MTM1: variants seen among roughly 807,000 people sequenced by gnomAD.
MTM1 encodes myotubularin 1.
In MTM1, 9 loss-of-function variants were observed where a neutral mutation model predicts 52.1. That is an observed-to-expected ratio of 0.17 (90% CI 0.10 to 0.30). The LOEUF is 0.30. Among genes scored for constraint, MTM1 ranks in the 10% least tolerant of loss-of-function variants. The pLI, the probability that MTM1 is intolerant of heterozygous loss-of-function variation, is 1.00. For synonymous variants in MTM1, 136 were observed against 163.8 expected (o/e 0.83, Z 1.29); for missense variants, 277 against 470.7 (o/e 0.59, Z 3.81).
intron 1 of MTM1, among the ~76,000 whole-genome samples, chrX:150,591,713 A>C (rs1270180192): frequency 1.8e-5 from 2 of 112,986 alleles, no homozygotes; most frequent in East Asian, 5.5e-4. Context: ...TCACAAAAAT[A>C]ATTTGCAACC....
intron 4 of MTM1, among the ~76,000 whole-genome samples, chrX:150,608,434 G>A (rs1383985421): frequency 5.4e-5 from 6 of 111,690 alleles, no homozygotes; most frequent in African/African-American, 2.0e-4. Flanking sequence ...GCCCAGGCTG[G>A]TCTCAAACTC....
chrX:150,656,014 C>A (rs1436666231), intron 10 of MTM1, among the ~76,000 whole-genome samples: 1 of 111,570 alleles, frequency 9.0e-6, no homozygotes, highest in Non-Finnish European at 1.9e-5. Context: ...ACTTTAAGTA[C>A]CCTACTGATT....
Position 150,587,027 on chromosome X carries a change from A to G in MTM1, c.-10-5578A>G, listed in dbSNP as rs191913075. On this transcript the variant is annotated intron_variant, in intron 1 of 14. Coordinates refer to ENST00000370396, the MANE Select transcript of MTM1 (RefSeq NM_000252.3). Reference sequence around the variant, plus strand: ...AATTTTACCTGTTCCTCATGACAGCACTGTGAGGGCTGGCGTCACACCCAT... The same window carrying G: ...AATTTTACCTGTTCCTCATGACAGCGCTGTGAGGGCTGGCGTCACACCCAT... Among the ~76,000 whole-genome samples the G allele has an allele frequency of 5.4e-5, 6 of 110,755 alleles. No individual in the cohort carries two copies. The Admixed American group carries it at 5.8e-4, about 11-fold the overall frequency.
intron 7 of MTM1, among the ~76,000 whole-genome samples, chrX:150,639,544 T>C (rs185378325): frequency 5.6e-4 from 63 of 112,584 alleles, no homozygotes; most frequent in Non-Finnish European, 1.1e-3. Context: ...TGTTCTCTTA[T>C]ATGAATGTCA....
chrX:150,583,787 A>G (rs1469581323), intron 1 of MTM1, among the ~76,000 whole-genome samples: 1 of 50,806 alleles, frequency 2.0e-5, no homozygotes, highest in Non-Finnish European at 3.3e-5. Flanking sequence ...TATATAAAAT[A>G]TATATAAAAT....
intron 1 of MTM1, among the ~76,000 whole-genome samples, chrX:150,590,423 C>T (rs2038863478): frequency 9.0e-6 from 1 of 111,612 alleles, no homozygotes; most frequent in Non-Finnish European, 1.9e-5. Context: ...ATAGCAAATT[C>T]GTGGTTGCTG....
At chrX:150,611,778 G>A (rs1206144250) in intron 4 of MTM1, among the ~76,000 whole-genome samples, 1 of 112,112 alleles carries the variant, frequency 8.9e-6, no homozygotes, top group African/African-American at 3.2e-5. Context: ...CGTGCTGCCC[G>A]TTTAGAGTCG....
intron 1 of MTM1, among the ~76,000 whole-genome samples, chrX:150,583,638 AATATATAATTTATATATATT>A (rs1569565343): frequency 8.6e-5 from 3 of 35,013 alleles, no homozygotes; most frequent in African/African-American, 3.9e-4. Context: ...ATTTATATAT[AATATATAATTTATATATATT>A]ATATATAATT....
In MTM1 at chrX:150,583,858, A is replaced by AAT. The variant is rs1557412101; in HGVS notation, c.-10-8740_-10-8739dup. ...ATATAAATATATATCAAATATATAA[A>AAT]ATATATATTAAATATATATTAAATA... On this transcript the variant is annotated intron_variant, in intron 1 of 14. Coordinates refer to ENST00000370396, the MANE Select transcript of MTM1 (RefSeq NM_000252.3). Among the ~76,000 whole-genome samples, 113 of 44,776 alleles carry AAT rather than the reference A, an allele frequency of 2.5e-3. 5 individuals carry two copies. Among genetic ancestry groups the AAT allele is most frequent in the African/African-American group, 9.2e-3 (109 of 11,876 alleles). The allele number at this position is 44,776 out of a possible 115,157, so 38.9% of individuals were successfully genotyped here. A position where few individuals can be genotyped will look rare whatever the true frequency, so the allele number is the denominator to read the frequency against.
At chrX:150,670,422 G>A (rs782714740) in intron 14 of MTM1, among the ~76,000 whole-genome samples, 2 of 112,247 alleles carry the variant, frequency 1.8e-5, no homozygotes, top group East Asian at 5.6e-4. Flanking sequence ...CACACAGAAG[G>A]TGAGGGGGCA....
rs782639017 is a variant in MTM1 at position 150,655,324 on chromosome X, C to CAAA, written c.1054-2480_1054-2478dup. ...TGGGCGAAAGAGCGAGACTCTGTCTCAAAAAAAAAAAAAAAAAAATTAAAC... is the reference window on the plus strand; with the variant it reads ...TGGGCGAAAGAGCGAGACTCTGTCTCAAAAAAAAAAAAAAAAAAAAAATTAAAC... On this transcript the variant is annotated intron_variant, in intron 10 of 14. Transcript: ENST00000370396. Among the ~76,000 whole-genome samples the CAAA allele has an allele frequency of 2.8e-3, 119 of 42,657 alleles. 1 individual carries two copies. The highest frequency in any genetic ancestry group is 0.01 in the African/African-American group (113 of 11,064). The allele number at this position is 42,657 out of a possible 115,157, so 37.0% of individuals were successfully genotyped here.
intron 12 of MTM1, among the ~76,000 whole-genome samples, chrX:150,660,126 A>G (rs915640746): frequency 2.8e-4 from 31 of 111,809 alleles, no homozygotes; most frequent in African/African-American, 1.0e-3. Context: ...CTGCAGGAGA[A>G]CCCAGAAAAT....
In MTM1 at chrX:150,667,647, C is replaced by T. The variant is rs782521923; in HGVS notation, c.1645-3781C>T. On this transcript the variant is annotated intron_variant, in intron 14 of 14. Transcript: ENST00000370396. ...ACTGGGTGTTAGGCATTCTACCAAGCGTAATGCTATATATGCATTTTTGAA... is the reference window on the plus strand; with the variant it reads ...ACTGGGTGTTAGGCATTCTACCAAGTGTAATGCTATATATGCATTTTTGAA... Among the ~76,000 whole-genome samples the T allele has an allele frequency of 2.7e-5, 3 of 111,932 alleles. 1 individual carries two copies. The highest frequency in any genetic ancestry group is 9.7e-5 in the African/African-American group (3 of 30,834).
intron 14 of MTM1, among the ~76,000 whole-genome samples, chrX:150,670,561 T>C (rs1213733640): frequency 1.8e-5 from 2 of 111,771 alleles, no homozygotes; most frequent in Non-Finnish European, 3.8e-5. Context: ...TACCGTGACA[T>C]ACCATGTCAC....
chrX:150,633,248 C>T (rs2039699084), intron 6 of MTM1, among the ~76,000 whole-genome samples: 1 of 112,011 alleles, frequency 8.9e-6, no homozygotes, highest in Non-Finnish European at 1.9e-5. Flanking sequence ...AAGCCATTTC[C>T]CCCAGAGGTA....
intron 9 of MTM1, among the ~76,000 whole-genome samples, chrX:150,647,054 C>A: frequency 9.1e-6 from 1 of 110,423 alleles, no homozygotes; most frequent in Non-Finnish European, 1.9e-5. Context: ...GTGAAGCAGT[C>A]AGTAAGTTAA....
rs782500723 is a variant in MTM1, at chrX:150,641,253, CT to C, written c.529-9del. On this transcript the variant is annotated splice_polypyrimidine_tract_variant and intron_variant, in intron 7 of 14. Transcript: ENST00000370396. ...GGTCAAGCAATACTGACTTGAATTT[CT>C]TTTTTTCCTCACAGGGCTTGCCCAA... 1 of 1,210,730 alleles carries C rather than the reference CT, an allele frequency of 8.3e-7. No individual in the cohort carries two copies. Among genetic ancestry groups the C allele is most frequent in the South Asian group, 1.8e-5 (1 of 56,928 alleles).
intron 6 of MTM1, among the ~76,000 whole-genome samples, chrX:150,625,984 G>A (rs919101481): frequency 1.8e-5 from 2 of 112,759 alleles, no homozygotes; most frequent in African/African-American, 3.2e-5. Context: ...AAGGATGGAA[G>A]CAAGGTCTTC....
chrX:150,661,414 C>T (rs922197955), intron 13 of MTM1, among the ~76,000 whole-genome samples: 3 of 111,554 alleles, frequency 2.7e-5, no homozygotes, highest in Non-Finnish European at 3.8e-5. Flanking sequence ...AGCTACCATA[C>T]GATCCAGCAC....
Sources: gnomAD v4.1 joint callset for allele counts (sites outside exome capture counted in the v4.1 genomes callset) on GRCh38, gnomAD v4.1.1 for gene constraint, MANE v1.5 for transcripts, NCBI Gene and HGNC (gene_info 2026-07-23, HGNC 2026-07-21) for gene names.